The following PDE4D variants were observed in gnomAD, a reference collection of about 807,000 sequenced individuals.
The protein encoded by PDE4D is phosphodiesterase 4D, also known as 3',5'-cyclic-AMP phosphodiesterase 4D.
PDE4D carries 24 observed loss-of-function variants against 87.4 expected under a neutral mutation model. The observed-to-expected ratio is 0.27, with a 90% confidence interval of 0.20 to 0.39. The LOEUF is 0.39. PDE4D is among the 10% of genes least tolerant of loss of function. The pLI is 1.00. For synonymous variants in PDE4D, 384 were observed against 383.2 expected, an observed-to-expected ratio of 1.00 and a Z score of -0.02; for missense variants, 714 against 1,041.0, an observed-to-expected ratio of 0.69 and a Z score of 4.32.
intron 1 of PDE4D, among the ~76,000 whole-genome samples, chr5:59,674,700 A>G (rs1238564042): frequency 6.6e-6 from 1 of 152,196 alleles, no homozygotes. Flanking sequence ...ACATCATTTG[A>G]TGAAATAAAT....
intron 1 of PDE4D, among the ~76,000 whole-genome samples, chr5:59,384,260 G>A (rs952270381): frequency 6.6e-6 from 1 of 152,064 alleles, no homozygotes; most frequent in East Asian, 1.9e-4. Flanking sequence ...AACCATTAGC[G>A]ATACTGGCTC....
At chr5:60,303,408 A>G (rs1754115642) in intron 1 of PDE4D, among the ~76,000 whole-genome samples, 1 of 146,422 alleles carries the variant, frequency 6.8e-6, no homozygotes, top group Admixed American at 7.0e-5. Context: ...TCCCGGGTTC[A>G]CGCCATTCTC....
chr5:59,007,624 T>A (rs1365546943), intron 6 of PDE4D, among the ~76,000 whole-genome samples: 1 of 152,132 alleles, frequency 6.6e-6, no homozygotes, highest in Non-Finnish European at 1.5e-5. Flanking sequence ...TTAGTGCCAG[T>A]AAATCCACTA....
At chr5:60,297,571 T>A (rs965951832) in intron 1 of PDE4D, among the ~76,000 whole-genome samples, 1 of 152,212 alleles carries the variant, frequency 6.6e-6, no homozygotes, top group Non-Finnish European at 1.5e-5. Flanking sequence ...TTTAACTCAA[T>A]CTTCTGGGAG....
At chr5:59,818,962 A>G (rs1769324729) in intron 1 of PDE4D, among the ~76,000 whole-genome samples, 1 of 152,218 alleles carries the variant, frequency 6.6e-6, no homozygotes. Context: ...AAGGACCATT[A>G]GTAATTTACT....
At chr5:59,039,854 C>A (rs1164531679) in intron 5 of PDE4D, 3 of 152,410 alleles carry the variant, frequency 2.0e-5, no homozygotes, top group Admixed American at 6.5e-5. Flanking sequence ...GCTAGGAGAG[C>A]GGCGGAAAAC....
Position 58,990,911 on chromosome 5 carries a change from A to G in PDE4D, c.1189-9T>C. 4 of 324,446 alleles carry G rather than the reference A, an allele frequency of 1.2e-5. No homozygotes were observed. Among genetic ancestry groups the G allele is most frequent in the South Asian group, 9.2e-5 (1 of 10,872 alleles). The allele number at this position is 324,446 out of a possible 1,614,324, so 20.1% of individuals were successfully genotyped here. A position where few individuals can be genotyped will look rare whatever the true frequency, so the allele number is the denominator to read the frequency against. ...TTCACATCTTCTAGTTCCTGGAGTG[A>G]AAAAAAAAAAAAGATACTAAAATAT... On this transcript the variant is annotated splice_polypyrimidine_tract_variant and intron_variant, in intron 8 of 14. Coordinates refer to ENST00000340635, the MANE Select transcript of PDE4D (RefSeq NM_001104631.2).
chr5:59,211,641 C>A (rs1254883523), intron 2 of PDE4D, among the ~76,000 whole-genome samples: 3 of 151,972 alleles, frequency 2.0e-5, no homozygotes, highest in Non-Finnish European at 4.4e-5. Flanking sequence ...GCTTTCTAAC[C>A]TGTAAAATGG....
chr5:59,310,508 G>A (rs1207059058), intron 1 of PDE4D, among the ~76,000 whole-genome samples: 3 of 152,128 alleles, frequency 2.0e-5, no homozygotes, highest in African/African-American at 7.2e-5. Flanking sequence ...TCCATTAAGA[G>A]CAACTCCTAC....
chr5:59,105,437 C>A (rs1421295395), intron 5 of PDE4D, among the ~76,000 whole-genome samples: 4 of 152,006 alleles, frequency 2.6e-5, no homozygotes, highest in Non-Finnish European at 4.4e-5. Flanking sequence ...TTGTAGGTAC[C>A]ATCAAATTCT....
At chr5:60,192,814 GA>G (rs1216084340) in intron 1 of PDE4D, among the ~76,000 whole-genome samples, 1 of 152,048 alleles carries the variant, frequency 6.6e-6, no homozygotes, top group African/African-American at 2.4e-5. Context: ...TCAACACTTA[GA>G]AAAAATACTT....
chr5:59,366,564 A>T (rs974511555), intron 1 of PDE4D, among the ~76,000 whole-genome samples: 7 of 152,314 alleles, frequency 4.6e-5, no homozygotes, highest in Middle Eastern at 3.4e-3. Context: ...GCACTTGGGA[A>T]TGAGATAATT....
Position 59,442,543 on chromosome 5 carries a change from T to A in PDE4D, c.456-226575A>T, listed in dbSNP as rs1797790845. On this transcript the variant is annotated intron_variant, in intron 1 of 14. Coordinates refer to ENST00000340635, the MANE Select transcript of PDE4D (RefSeq NM_001104631.2). ...CACATAATGTGAGTGAACAAATATTTAAATAAGTTGGTACCTTTTTGCCTG... is the reference window on the plus strand; with the variant it reads ...CACATAATGTGAGTGAACAAATATTAAAATAAGTTGGTACCTTTTTGCCTG... Among the ~76,000 whole-genome samples the A allele has an allele frequency of 2.0e-5, 3 of 152,344 alleles. No individual in the cohort carries two copies. The South Asian group carries it at 6.2e-4, about 32-fold the overall frequency.
At chr5:59,274,187 A>G (rs1764371422) in intron 1 of PDE4D, among the ~76,000 whole-genome samples, 1 of 152,146 alleles carries the variant, frequency 6.6e-6, no homozygotes, top group Non-Finnish European at 1.5e-5. Context: ...TTTTCTTTAA[A>G]TAAACTCAAG....
chr5:59,683,526 T>G (rs1336050676), intron 1 of PDE4D, among the ~76,000 whole-genome samples: 1 of 152,226 alleles, frequency 6.6e-6, no homozygotes. Context: ...CATAAAATCC[T>G]GCTTTTTGAT....
intron 1 of PDE4D, among the ~76,000 whole-genome samples, chr5:59,716,534 G>A (rs556953588): frequency 2.2e-4 from 34 of 152,270 alleles, no homozygotes; most frequent in African/African-American, 5.5e-4. Flanking sequence ...ATTGAGCATC[G>A]TATAGGGAAG....
intron 1 of PDE4D, among the ~76,000 whole-genome samples, chr5:59,465,085 G>A (rs990752847): frequency 6.6e-6 from 1 of 152,086 alleles, no homozygotes; most frequent in Non-Finnish European, 1.5e-5. Context: ...GACCTAATAT[G>A]TCTATAAGGT....
chr5:59,762,868 TATATATATATATATATATATATATAG>T (rs1451413998), intron 1 of PDE4D, among the ~76,000 whole-genome samples: 1 of 128,858 alleles, frequency 7.8e-6, no homozygotes, highest in South Asian at 2.6e-4. Context: ...TATATATATA[TATATATATATATATATATATATATAG>T]CTTGCTCTTT....
chr5:59,357,287 C>T (rs1363301392), intron 1 of PDE4D, among the ~76,000 whole-genome samples: 1 of 152,100 alleles, frequency 6.6e-6, no homozygotes, highest in South Asian at 2.1e-4. Flanking sequence ...CACAGGGCTT[C>T]GTTAAAAAAT....
Sources: allele counts gnomAD v4.1 joint callset (sites outside exome capture counted in the v4.1 genomes callset), GRCh38; gene constraint gnomAD v4.1.1; transcripts MANE v1.5; gene names NCBI Gene and HGNC (gene_info 2026-07-23, HGNC 2026-07-21).